Variants in DSE observed in about 807,000 individuals in gnomAD.
DSE encodes the protein dermatan-sulfate epimerase.
A neutral mutation model predicts 84.4 loss-of-function variants in DSE; 36 were observed. The observed-to-expected ratio is 0.43, with a 90% confidence interval of 0.33 to 0.56. The LOEUF (loss-of-function observed/expected upper bound fraction) is 0.56, where lower values mean the gene tolerates loss of function less well. Among genes scored for constraint, DSE ranks in the 20% least tolerant of loss-of-function variants. The pLI is 0.06. For synonymous variants in DSE, 410 were observed against 430.1 expected, an observed-to-expected ratio of 0.95 and a Z score of 0.58; for missense variants, 862 against 1,169.6, an observed-to-expected ratio of 0.74 and a Z score of 3.84.
intron 2 of DSE, among the ~76,000 whole-genome samples, chr6:116,306,405 G>A (rs920659364): frequency 2.6e-5 from 4 of 152,084 alleles, no homozygotes; most frequent in Non-Finnish European, 1.5e-5. Context: ...TAAACATTAT[G>A]CTCAGGGAGT....
chr6:116,262,907 TG>T (rs1381679416), intron 2 of DSE, among the ~76,000 whole-genome samples: 1 of 152,228 alleles, frequency 6.6e-6, no homozygotes, highest in East Asian at 1.9e-4. Flanking sequence ...TCAATTTCCA[TG>T]TAACTGTATG....
chr6:116,303,406 T>A (rs1354557022), intron 2 of DSE, among the ~76,000 whole-genome samples: 1 of 152,158 alleles, frequency 6.6e-6, no homozygotes, highest in African/African-American at 2.4e-5. Flanking sequence ...CTGGTTAGAT[T>A]GTAAGCTCAA....
At chr6:116,353,187 A>G (rs1048737388) in intron 2 of DSE, among the ~76,000 whole-genome samples, 1 of 152,138 alleles carries the variant, frequency 6.6e-6, no homozygotes, top group African/African-American at 2.4e-5. Flanking sequence ...GTGTGTATAA[A>G]CACTGATGGA....
chr6:116,427,815 A>G (rs1167935266), intron 3 of DSE, among the ~76,000 whole-genome samples: 1 of 152,216 alleles, frequency 6.6e-6, no homozygotes, highest in Non-Finnish European at 1.5e-5. Context: ...ATTTATAATA[A>G]CTTAAGCAAA....
At chr6:116,433,254 G>A in intron 4 of DSE, 89 bp from the exon 5 acceptor site, 1 of 1,234,322 alleles carries the variant, frequency 8.1e-7, no homozygotes, top group Non-Finnish European at 1.1e-6. Flanking sequence ...ATTCTAATTT[G>A]CAACTAGATT....
At chr6:116,286,313 A>T (rs1018478681) in intron 2 of DSE, among the ~76,000 whole-genome samples, 1 of 152,052 alleles carries the variant, frequency 6.6e-6, no homozygotes, top group South Asian at 2.1e-4. Context: ...TCACTTTCTT[A>T]AAATGTGTAA....
chr6:116,379,961 A>T (rs1237839416), intron 1 of DSE, among the ~76,000 whole-genome samples: 1 of 152,140 alleles, frequency 6.6e-6, no homozygotes, highest in Non-Finnish European at 1.5e-5. Context: ...AAGTGGAGTT[A>T]GTGGTGTTAG....
At chr6:116,430,815 C>T (rs1479837429) in intron 3 of DSE, 139 bp from the exon 4 acceptor site, 15 of 1,147,652 alleles carry the variant, frequency 1.3e-5, no homozygotes, top group Middle Eastern at 3.1e-4. Context: ...GTTATTTATA[C>T]ACTGACAAGT....
Position 116,279,122 on chromosome 6 carries a change from G to A in DSE, c.-54+20155G>A, listed in dbSNP as rs544858202. ...TGAGCATTCACAGTGTCCAGTTCCA[G>A]CTGGATGGCCTCCAGAGGGTCCATG... On this transcript the variant is annotated intron_variant, in intron 2 of 3. Coordinates refer to the DSE transcript ENST00000430252. 2.2e-5 allele frequency: 35 copies of A among 1,614,112 alleles called. 1 individual carries two copies. In the South Asian group the frequency reaches 3.8e-4, roughly 18 times the overall value.
At chr6:116,397,364 A>C (rs529221993) in intron 1 of DSE, among the ~76,000 whole-genome samples, 1 of 149,902 alleles carries the variant, frequency 6.7e-6, no homozygotes, top group South Asian at 2.1e-4. Context: ...CCCCCACCAC[A>C]CCTGGCTAAT....
chr6:116,421,464 T>TATATATA (rs57759351), intron 2 of DSE, among the ~76,000 whole-genome samples: 6 of 39,836 alleles, frequency 1.5e-4, no homozygotes, highest in African/African-American at 6.9e-4. Flanking sequence ...TATATATATA[T>TATATATA]TTTTTTTTTT....
chr6:116,400,483 C>T (rs930051691), intron 2 of DSE: 1 of 152,000 alleles, frequency 6.6e-6, no homozygotes, highest in Non-Finnish European at 1.5e-5. Flanking sequence ...CTAGAGAGAG[C>T]TCATTTTAAA....
chr6:116,418,741 G>T (rs1487056383), intron 2 of DSE, among the ~76,000 whole-genome samples: 1 of 152,118 alleles, frequency 6.6e-6, no homozygotes, highest in Non-Finnish European at 1.5e-5. Flanking sequence ...CTTTGAAAGC[G>T]CCGTTCTTCC....
upstream of DSE, among the ~76,000 whole-genome samples, chr6:116,368,943 C>CG (rs376133129): frequency 1.8e-3 from 154 of 84,362 alleles, 1 homozygote; most frequent in East Asian, 0.016. Flanking sequence ...GGCGGGGGGA[C>CG]GGGGGGGGCT....
At chr6:116,290,827 C>T (rs976710167) in intron 2 of DSE, among the ~76,000 whole-genome samples, 2 of 152,122 alleles carry the variant, frequency 1.3e-5, no homozygotes, top group African/African-American at 4.8e-5. Flanking sequence ...AACTTCTCTC[C>T]CAAAGGGAGA....
intron 1 of DSE, among the ~76,000 whole-genome samples, chr6:116,391,519 C>A (rs1233352239): frequency 3.3e-5 from 5 of 152,140 alleles, no homozygotes; most frequent in African/African-American, 4.8e-5. Context: ...GTAATCCCAG[C>A]ACTTAGGGAG....
intron 2 of DSE, among the ~76,000 whole-genome samples, chr6:116,276,251 T>C (rs1182034853): frequency 6.6e-6 from 1 of 152,122 alleles, no homozygotes; most frequent in Non-Finnish European, 1.5e-5. Flanking sequence ...TGAGAAAGTA[T>C]GAAAATAGAG....
At chr6:116,427,774 A>G (rs757669700) in intron 3 of DSE, among the ~76,000 whole-genome samples, 3 of 152,230 alleles carry the variant, frequency 2.0e-5, no homozygotes, top group Non-Finnish European at 4.4e-5. Context: ...TTTCTGCTGT[A>G]TTTTGTTATC....
intron 2 of DSE, among the ~76,000 whole-genome samples, chr6:116,415,239 T>C (rs1782623526): frequency 6.6e-6 from 1 of 152,220 alleles, no homozygotes; most frequent in Non-Finnish European, 1.5e-5. Flanking sequence ...AGTCTGGAAA[T>C]TGTCTCTCTG....
Sources: allele counts gnomAD v4.1 joint callset (sites outside exome capture counted in the v4.1 genomes callset), GRCh38; gene constraint gnomAD v4.1.1; transcripts MANE v1.5; gene names NCBI Gene and HGNC (gene_info 2026-07-23, HGNC 2026-07-21).